COL25A1: variants seen among roughly 807,000 people sequenced by gnomAD.
COL25A1 encodes the protein collagen type XXV alpha 1 chain.
A neutral mutation model predicts 128.4 loss-of-function variants in COL25A1; 103 were observed. The ratio of observed to expected loss-of-function variants is 0.80; its 90% CI spans 0.68 to 0.94. The LOEUF is 0.94. COL25A1 is among the 40% of genes least tolerant of loss of function. The probability of loss-of-function intolerance (pLI) is 0.00; values close to 1 mark genes in which losing one functional copy is unlikely to be tolerated. For missense variants in COL25A1, 745 were observed against 840.0 expected (o/e 0.89, Z 1.40); for synonymous variants, 279 against 277.2 (o/e 1.01, Z -0.06).
chr4:108,945,413 C>T (rs201841633), intron 8 of COL25A1, among the ~76,000 whole-genome samples: 1 of 152,276 alleles, frequency 6.6e-6, no homozygotes, highest in East Asian at 1.9e-4. Flanking sequence ...CTTTGTGTGG[C>T]CATACCTGCT....
At chr4:109,285,033 T>C (rs1391366735) in intron 3 of COL25A1, among the ~76,000 whole-genome samples, 1 of 152,152 alleles carries the variant, frequency 6.6e-6, no homozygotes, top group Non-Finnish European at 1.5e-5. Context: ...GGGAAGTTTT[T>C]TTTCTCTCCC....
intron 5 of COL25A1, among the ~76,000 whole-genome samples, chr4:109,028,123 TATTC>T (rs1319954689): frequency 2.0e-5 from 3 of 152,212 alleles, no homozygotes; most frequent in Non-Finnish European, 4.4e-5. Context: ...TTCATTTATT[TATTC>T]ATTCATTCAT....
chr4:109,221,289 T>C (rs1484131578), intron 3 of COL25A1, among the ~76,000 whole-genome samples: 1 of 152,108 alleles, frequency 6.6e-6, no homozygotes, highest in Non-Finnish European at 1.5e-5. Flanking sequence ...AATTTTGAAA[T>C]TTTTCAAATT....
chr4:108,877,255 G>T (rs954662533), intron 19 of COL25A1, among the ~76,000 whole-genome samples: 1 of 152,164 alleles, frequency 6.6e-6, no homozygotes, highest in Non-Finnish European at 1.5e-5. Context: ...ATCTCACACT[G>T]ATCTTTCCAT....
At chr4:108,976,873 T>C (rs1432066845) in intron 6 of COL25A1, among the ~76,000 whole-genome samples, 1 of 152,244 alleles carries the variant, frequency 6.6e-6, no homozygotes, top group African/African-American at 2.4e-5. Context: ...TTGTGTCTTT[T>C]ACCATTGACA....
chr4:109,012,438 G>A (rs113273654), intron 5 of COL25A1, among the ~76,000 whole-genome samples: 2 of 152,198 alleles, frequency 1.3e-5, no homozygotes, highest in Non-Finnish European at 2.9e-5. Flanking sequence ...GGCCAAGGCC[G>A]GAGCTGGCTC....
intron 11 of COL25A1, among the ~76,000 whole-genome samples, chr4:108,931,018 T>A (rs1022129022): frequency 2.0e-5 from 3 of 152,208 alleles, no homozygotes; most frequent in Non-Finnish European, 4.4e-5. Context: ...AATATTCTCA[T>A]ACAAGAGTCA....
At chr4:109,099,682 T>A (rs1426179595) in intron 3 of COL25A1, among the ~76,000 whole-genome samples, 1 of 151,282 alleles carries the variant, frequency 6.6e-6, no homozygotes, top group Non-Finnish European at 1.5e-5. Flanking sequence ...CTTTTACATA[T>A]CCCAAAACAC....
At chr4:109,132,153 T>C (rs944078282) in intron 3 of COL25A1, among the ~76,000 whole-genome samples, 3 of 152,198 alleles carry the variant, frequency 2.0e-5, no homozygotes, top group South Asian at 2.1e-4. Flanking sequence ...GAATGCTTGG[T>C]GCCTACCCAA....
At chr4:108,996,673 A>G (rs1231586476) in intron 6 of COL25A1, among the ~76,000 whole-genome samples, 1 of 152,204 alleles carries the variant, frequency 6.6e-6, no homozygotes, top group East Asian at 1.9e-4. Context: ...CAGAATATGC[A>G]TTCTTCTCAG....
intron 19 of COL25A1, among the ~76,000 whole-genome samples, chr4:108,877,108 T>C (rs1422779129): frequency 6.6e-6 from 1 of 152,178 alleles, no homozygotes; most frequent in Non-Finnish European, 1.5e-5. Context: ...AAGCTGAAAA[T>C]CTGACACAGG....
At chr4:109,224,678 A>G (rs7656797) in intron 3 of COL25A1, among the ~76,000 whole-genome samples, 58,903 of 152,046 alleles carry the variant, frequency 0.39, 12,666 homozygotes, top group African/African-American at 0.57. Flanking sequence ...AGTGGCTCAC[A>G]CCTGTAATCT....
intron 3 of COL25A1, among the ~76,000 whole-genome samples, chr4:109,256,415 A>G (rs1273704556): frequency 6.6e-6 from 1 of 152,180 alleles, no homozygotes; most frequent in African/African-American, 2.4e-5. Flanking sequence ...CAGGGTACCA[A>G]CATGGTACAG....
chr4:109,044,816 G>A (rs1760271821), intron 5 of COL25A1, among the ~76,000 whole-genome samples: 1 of 152,134 alleles, frequency 6.6e-6, no homozygotes, highest in South Asian at 2.1e-4. Flanking sequence ...GTTGAATAAT[G>A]TTTTAAAAGA....
intron 6 of COL25A1, among the ~76,000 whole-genome samples, chr4:108,991,859 A>C (rs534237563): frequency 6.6e-6 from 1 of 152,286 alleles, no homozygotes; most frequent in East Asian, 1.9e-4. Context: ...TATGAATAGA[A>C]AGTTAAATAC....
chr4:109,002,358 C>A lies in COL25A1; in HGVS notation c.438+8000G>T, dbSNP rs114752905. 7.8e-3 allele frequency among the ~76,000 whole-genome samples: 1,193 copies of A among 152,280 alleles called. 11 individuals carry two copies. The highest frequency in any genetic ancestry group is 0.027 in the African/African-American group (1,105 of 41,556). On this transcript the variant is annotated intron_variant, in intron 6 of 37. Coordinates refer to ENST00000399132, the MANE Select transcript of COL25A1 (RefSeq NM_198721.4). ...AGGTAAAGAAACTGTGGTATACATA[C>A]ACAATGGAATATTATTTAGCCACAA...
intron 8 of COL25A1, among the ~76,000 whole-genome samples, chr4:108,973,566 A>G (rs1752125317): frequency 6.6e-6 from 1 of 152,228 alleles, no homozygotes; most frequent in Admixed American, 6.5e-5. Flanking sequence ...TTTCAACCTG[A>G]AAGTTTTAAA....
chr4:109,116,142 T>G (rs1160739027), intron 3 of COL25A1, among the ~76,000 whole-genome samples: 2 of 151,950 alleles, frequency 1.3e-5, no homozygotes, highest in African/African-American at 4.8e-5. Context: ...AATCAAAAAC[T>G]CCAGAGGGAC....
At chr4:109,233,748 C>T (rs1779300169) in intron 3 of COL25A1, among the ~76,000 whole-genome samples, 1 of 152,074 alleles carries the variant, frequency 6.6e-6, no homozygotes, top group Non-Finnish European at 1.5e-5. Context: ...GTGCATGAAG[C>T]CCCATTACTC....
Sources: gnomAD v4.1 joint callset for allele counts (sites outside exome capture counted in the v4.1 genomes callset) on GRCh38, gnomAD v4.1.1 for gene constraint, MANE v1.5 for transcripts, NCBI Gene and HGNC (gene_info 2026-07-23, HGNC 2026-07-21) for gene names.